Variants in AAMDC observed in about 807,000 individuals in gnomAD.
AAMDC encodes mth938 domain-containing protein.
AAMDC carries 16 observed loss-of-function variants against 15.5 expected under a neutral mutation model. That is an observed-to-expected ratio of 1.03 (90% CI 0.70 to 1.57). The LOEUF (loss-of-function observed/expected upper bound fraction) is 1.57, where lower values mean the gene tolerates loss of function less well. Among genes scored for constraint, AAMDC ranks in the 40% most tolerant of loss-of-function variants. The pLI, the probability that AAMDC is intolerant of heterozygous loss-of-function variation, is 0.00. For missense variants in AAMDC, 141 were observed against 144.9 expected, an observed-to-expected ratio of 0.97 and a Z score of 0.14; for synonymous variants, 51 against 51.6, an observed-to-expected ratio of 0.99 and a Z score of 0.05.
At chr11:77,829,903 C>T (rs7126909) in intron 1 of AAMDC, 26,357 of 152,086 alleles carry the variant, frequency 0.17, 2,722 homozygotes, top group African/African-American at 0.26. Context: ...AGACCAAGGC[C>T]GGAGGATCAC....
chr11:77,868,180 C>G (rs566595453), intron 2 of AAMDC, among the ~76,000 whole-genome samples: 2 of 151,322 alleles, frequency 1.3e-5, no homozygotes, highest in African/African-American at 4.9e-5. Flanking sequence ...CTCAGCCTCC[C>G]GAGTAGCTGG....
intron 1 of AAMDC, among the ~76,000 whole-genome samples, chr11:77,838,035 T>G (rs1949764489): frequency 6.6e-6 from 1 of 152,176 alleles, no homozygotes; most frequent in Non-Finnish European, 1.5e-5. Flanking sequence ...ATCACACTAC[T>G]GCACTCCAGA....
intron 1 of AAMDC, among the ~76,000 whole-genome samples, chr11:77,838,456 A>G (rs1430694193): frequency 6.6e-6 from 1 of 152,116 alleles, no homozygotes; most frequent in African/African-American, 2.4e-5. Flanking sequence ...CAGTACCATA[A>G]CAACTCTTGC....
chr11:77,900,263 C>CT (rs1412812420), intron 5 of AAMDC, among the ~76,000 whole-genome samples: 2 of 152,016 alleles, frequency 1.3e-5, no homozygotes, highest in Non-Finnish European at 2.9e-5. Context: ...CCATGCCCGG[C>CT]TAATTTTATG....
At chr11:77,823,232 A>AT (rs1177087462) in intron 1 of AAMDC, among the ~76,000 whole-genome samples, 1 of 146,706 alleles carries the variant, frequency 6.8e-6, no homozygotes, top group Admixed American at 6.9e-5. Flanking sequence ...AAAAAAAAAA[A>AT]AAGAAATTAA....
At chr11:77,885,372 T>G (rs1247122905) in intron 5 of AAMDC, among the ~76,000 whole-genome samples, 1 of 149,086 alleles carries the variant, frequency 6.7e-6, no homozygotes, top group Non-Finnish European at 1.5e-5. Context: ...CCACCACACC[T>G]GGCCTACCCT....
downstream of AAMDC, among the ~76,000 whole-genome samples, chr11:77,902,544 C>T (rs536204270): frequency 1.9e-4 from 29 of 152,296 alleles, no homozygotes; most frequent in South Asian, 4.1e-4. Flanking sequence ...TTACCTATAG[C>T]TCTATGAATT....
At chr11:77,893,890 C>CA (rs1467646158) in intron 5 of AAMDC, among the ~76,000 whole-genome samples, 9 of 14,014 alleles carry the variant, frequency 6.4e-4, no homozygotes, top group African/African-American at 1.1e-3. Flanking sequence ...AAGACTCTGT[C>CA]TTAAATAAAT....
intron 5 of AAMDC, among the ~76,000 whole-genome samples, chr11:77,889,836 G>A (rs1952186253): frequency 6.6e-6 from 1 of 152,162 alleles, no homozygotes; most frequent in Admixed American, 6.5e-5. Context: ...CCTTGCGTGT[G>A]GTAGAGGTGC....
At chr11:77,883,288 G>A (rs1313146755) in intron 5 of AAMDC, among the ~76,000 whole-genome samples, 5 of 152,038 alleles carry the variant, frequency 3.3e-5, no homozygotes, top group Admixed American at 6.6e-5. Flanking sequence ...TGCAGACTGA[G>A]GTCTTCTTAA....
At chr11:77,840,748 TTTTG>T (rs1400460005) in intron 1 of AAMDC, among the ~76,000 whole-genome samples, 2 of 151,996 alleles carry the variant, frequency 1.3e-5, no homozygotes. Flanking sequence ...GGGTCATAGT[TTTTG>T]TTTATTTGCA....
At position 77,869,772 on chromosome 11, in the gene AAMDC, T is replaced by G. The variant is rs749485820; in HGVS notation, c.183T>G (p.Gly61=). Residue 61 remains glycine, a synonymous_variant, in exon 3 of 4, where the codon GGT becomes GGG. Transcript: ENST00000393427. The part of the protein sequence containing the change: ...PADVKEVVEK[G]VQTLVIGRGM... ...ATGTGAAGGAAGTTGTTGAGAAGGG[T>G]GTACAGACTCTTGTGATTGGCCGAG... is the stretch of plus-strand genomic sequence containing the variant. 1.9e-6 allele frequency: 3 copies of G among 1,613,854 alleles called. No homozygotes were observed. The highest frequency in any genetic ancestry group is 2.5e-6 in the Non-Finnish European group (3 of 1,179,926).
intron 2 of AAMDC, chr11:77,869,113 G>T: frequency 3.8e-6 from 1 of 265,272 alleles, no homozygotes; most frequent in Non-Finnish European, 7.4e-6. Flanking sequence ...GTACCATGTG[G>T]CCAAAGGAAC....
At chr11:77,898,653 C>G (rs1952637520) in intron 5 of AAMDC, among the ~76,000 whole-genome samples, 1 of 152,110 alleles carries the variant, frequency 6.6e-6, no homozygotes, top group Admixed American at 6.5e-5. Flanking sequence ...AACAGTATTA[C>G]TAAAACTAAT....
At chr11:77,878,984 T>G in intron 5 of AAMDC, 1 of 1,614,092 alleles carries the variant, frequency 6.2e-7, no homozygotes, top group Non-Finnish European at 8.5e-7. Context: ...ATATAAACTT[T>G]TACAGGCTTG....
At chr11:77,881,710 A>G (rs1400871650) in intron 5 of AAMDC, among the ~76,000 whole-genome samples, 1 of 152,232 alleles carries the variant, frequency 6.6e-6, no homozygotes, top group East Asian at 1.9e-4. Context: ...TACTAAAACA[A>G]TGGAGATACA....
intron 1 of AAMDC, among the ~76,000 whole-genome samples, chr11:77,833,481 G>C (rs188400070): frequency 6.6e-6 from 1 of 152,098 alleles, no homozygotes; most frequent in Non-Finnish European, 1.5e-5. Flanking sequence ...TGTGTCAGGA[G>C]GTAGAGCTCG....
intron 2 of AAMDC, among the ~76,000 whole-genome samples, chr11:77,869,465 C>CACCA (rs1951309068): frequency 6.6e-6 from 1 of 150,550 alleles, no homozygotes; most frequent in Admixed American, 6.6e-5. Context: ...AAGCATAAGC[C>CACCA]ACCACACCCA....
intron 1 of AAMDC, chr11:77,841,345 A>C: frequency 1.6e-6 from 1 of 629,528 alleles, no homozygotes; most frequent in Non-Finnish European, 2.9e-6. Context: ...ATATGTGTCT[A>C]CTTTAGTCTC....
Sources: gnomAD v4.1 joint callset for allele counts (sites outside exome capture counted in the v4.1 genomes callset) on GRCh38, gnomAD v4.1.1 for gene constraint, MANE v1.5 for transcripts, NCBI Gene and HGNC (gene_info 2026-07-23, HGNC 2026-07-21) for gene names.